CXCL13: variants seen among roughly 807,000 people sequenced by gnomAD.
CXCL13 encodes the protein C-X-C motif chemokine ligand 13.
In CXCL13, 7 loss-of-function variants were observed where a neutral mutation model predicts 12.2. The observed-to-expected ratio is 0.57, with a 90% CI of 0.33 to 1.07. CXCL13 has a LOEUF of 1.07. Among genes scored for constraint, CXCL13 ranks in the 50% least tolerant of loss-of-function variants. The pLI, the probability that CXCL13 is intolerant of heterozygous loss-of-function variation, is 0.04. For missense variants in CXCL13, 113 were observed against 127.4 expected, an observed-to-expected ratio of 0.89 and a Z score of 0.55; for synonymous variants, 47 against 42.4, an observed-to-expected ratio of 1.11 and a Z score of -0.42.
chr4:77,516,277 G>A (rs543079189), intron 1 of CXCL13, among the ~76,000 whole-genome samples: 2 of 152,116 alleles, frequency 1.3e-5, no homozygotes, highest in South Asian at 4.2e-4. Flanking sequence ...CTCTTTTTTG[G>A]TTGTGTCTCT....
intron 1 of CXCL13, among the ~76,000 whole-genome samples, chr4:77,575,808 G>T (rs1726185369): frequency 6.6e-6 from 1 of 151,788 alleles, no homozygotes; most frequent in South Asian, 2.1e-4. Context: ...AGGTACATGG[G>T]ATTGCCAAAA....
intron 1 of CXCL13, among the ~76,000 whole-genome samples, chr4:77,592,852 T>C (rs887767223): frequency 5.9e-5 from 9 of 152,142 alleles, no homozygotes; most frequent in Non-Finnish European, 1.2e-4. Context: ...GATTTCATAG[T>C]GGAAATGGGG....
intron 1 of CXCL13, among the ~76,000 whole-genome samples, chr4:77,552,394 A>G (rs1355912855): frequency 1.3e-5 from 2 of 151,780 alleles, no homozygotes; most frequent in Non-Finnish European, 2.9e-5. Flanking sequence ...AGCAGGTTTT[A>G]TTTTACTCTG....
intron 1 of CXCL13, among the ~76,000 whole-genome samples, chr4:77,592,679 G>A (rs1726643311): frequency 6.6e-6 from 1 of 152,182 alleles, no homozygotes; most frequent in Non-Finnish European, 1.5e-5. Context: ...CTGAAGGACT[G>A]AGGAAACCAG....
At chr4:77,520,624 A>G (rs964027255) in intron 1 of CXCL13, among the ~76,000 whole-genome samples, 7 of 152,184 alleles carry the variant, frequency 4.6e-5, no homozygotes, top group Non-Finnish European at 8.8e-5. Flanking sequence ...GGCTGAGACA[A>G]TGGGGTTTTC....
intron 1 of CXCL13, among the ~76,000 whole-genome samples, chr4:77,581,544 C>G (rs2109824785): frequency 6.6e-6 from 1 of 152,272 alleles, no homozygotes; most frequent in East Asian, 1.9e-4. Context: ...CTTCCAGGAA[C>G]CACCTCTTGC....
chr4:77,515,469 C>T (rs968924958), intron 1 of CXCL13, among the ~76,000 whole-genome samples: 1 of 152,058 alleles, frequency 6.6e-6, no homozygotes, highest in African/African-American at 2.4e-5. Context: ...TGTTTGTATC[C>T]TCTTTTATTT....
intron 1 of CXCL13, among the ~76,000 whole-genome samples, chr4:77,517,708 T>C (rs1420281550): frequency 6.6e-6 from 1 of 152,192 alleles, no homozygotes; most frequent in Non-Finnish European, 1.5e-5. Flanking sequence ...TGTCTCTGCA[T>C]GTGAGATGGG....
At chr4:77,601,471 A>C (rs1726880202), upstream of CXCL13, among the ~76,000 whole-genome samples, 3 of 152,248 alleles carry the variant, frequency 2.0e-5, no homozygotes, top group Non-Finnish European at 4.4e-5. Context: ...TGTATGAAAT[A>C]ACAAACCTCT....
intron 1 of CXCL13, among the ~76,000 whole-genome samples, chr4:77,584,072 G>T (rs1209135728): frequency 6.6e-6 from 1 of 152,178 alleles, no homozygotes. Flanking sequence ...GGCAACAGGA[G>T]TCTATGGTGG....
intron 1 of CXCL13, among the ~76,000 whole-genome samples, chr4:77,564,863 A>C (rs191022562): frequency 6.6e-6 from 1 of 152,330 alleles, no homozygotes; most frequent in African/African-American, 2.4e-5. Context: ...CCTGTGGTGC[A>C]ATCCTTTGTG....
intron 1 of CXCL13, among the ~76,000 whole-genome samples, chr4:77,513,475 G>A (rs1026333140): frequency 2.1e-4 from 31 of 148,204 alleles, no homozygotes; most frequent in Admixed American, 1.5e-3. Context: ...TTTTTGAGAC[G>A]GAGTCTCACT....
chr4:77,593,351 T>C (rs17002734), intron 1 of CXCL13, among the ~76,000 whole-genome samples: 5,976 of 152,318 alleles, frequency 0.039, 371 homozygotes, highest in African/African-American at 0.13. Context: ...GTAATAATCA[T>C]TGCATCACAT....
chr4:77,553,096 G>T (rs1236371695), intron 1 of CXCL13, among the ~76,000 whole-genome samples: 2 of 152,176 alleles, frequency 1.3e-5, no homozygotes, highest in African/African-American at 4.8e-5. Flanking sequence ...TAGGGTAGCA[G>T]ATTGGTGTAC....
chr4:77,523,339 G>T (rs192953024), intron 1 of CXCL13, among the ~76,000 whole-genome samples: 6 of 152,232 alleles, frequency 3.9e-5, no homozygotes, highest in Non-Finnish European at 8.8e-5. Context: ...ATCACTTTCA[G>T]GTACACCAAT....
intron 1 of CXCL13, among the ~76,000 whole-genome samples, chr4:77,524,781 G>A (rs541496276): frequency 5.9e-5 from 9 of 152,172 alleles, no homozygotes; most frequent in African/African-American, 1.2e-4. Flanking sequence ...TGGAAATGCA[G>A]AAGTCCCCTG....
intron 1 of CXCL13, among the ~76,000 whole-genome samples, chr4:77,599,755 A>T (rs1417128260): frequency 6.6e-6 from 1 of 152,206 alleles, no homozygotes; most frequent in Non-Finnish European, 1.5e-5. Context: ...CACAGCAAAG[A>T]CACAAACAGC....
chr4:77,575,827 A>G (rs1560530721), intron 1 of CXCL13, among the ~76,000 whole-genome samples: 1 of 151,808 alleles, frequency 6.6e-6, no homozygotes, highest in Non-Finnish European at 1.5e-5. Flanking sequence ...AATGATGTTC[A>G]ATTTTCTTTA....
chr4:77,531,650 A>G (rs1724921833), intron 1 of CXCL13, among the ~76,000 whole-genome samples: 2 of 152,124 alleles, frequency 1.3e-5, no homozygotes, highest in Non-Finnish European at 1.5e-5. Flanking sequence ...GTGGGGTATT[A>G]AAGTCTCCCA....
Sources: allele counts gnomAD v4.1 joint callset (sites outside exome capture counted in the v4.1 genomes callset), GRCh38; gene constraint gnomAD v4.1.1; transcripts MANE v1.5; gene names NCBI Gene and HGNC (gene_info 2026-07-23, HGNC 2026-07-21).